RNF150: variants seen among roughly 807,000 people sequenced by gnomAD.
RNF150 encodes the protein ring finger protein 150.
Under a neutral mutation model 39.3 loss-of-function variants are expected in RNF150, and 24 were observed. That is an observed-to-expected ratio of 0.61 (90% CI 0.44 to 0.86). The LOEUF is 0.86. Among genes scored for constraint, RNF150 ranks in the 40% least tolerant of loss-of-function variants. The pLI, the probability that RNF150 is intolerant of heterozygous loss-of-function variation, is 0.00. For missense variants in RNF150, 502 were observed against 587.8 expected (o/e 0.85, Z 1.51); for synonymous variants, 255 against 227.3 (o/e 1.12, Z -1.10).
At chr4:140,879,411 G>A (rs964782633) in intron 6 of RNF150, among the ~76,000 whole-genome samples, 2 of 145,374 alleles carry the variant, frequency 1.4e-5, no homozygotes, top group Non-Finnish European at 3.0e-5. Context: ...TTTAAGCAAT[G>A]TTTTAAGTTT....
chr4:140,934,846 G>C (rs538105020), intron 4 of RNF150, among the ~76,000 whole-genome samples: 6 of 151,422 alleles, frequency 4.0e-5, no homozygotes, highest in African/African-American at 1.5e-4. Flanking sequence ...ACTTCTTTGA[G>C]TTAAGGTTTT....
At chr4:141,135,403 C>T (rs960815537), upstream of RNF150, among the ~76,000 whole-genome samples, 1 of 152,140 alleles carries the variant, frequency 6.6e-6, no homozygotes, top group South Asian at 2.1e-4. Context: ...GAGCCCATAA[C>T]CTCTTGAAAG....
intron 6 of RNF150, among the ~76,000 whole-genome samples, chr4:140,907,224 C>T (rs115141915): frequency 0.012 from 1,902 of 152,248 alleles, 46 homozygotes; most frequent in African/African-American, 0.044. Flanking sequence ...TGGTGAGTAA[C>T]GTGTGGGCAT....
Position 141,049,750 on chromosome 4 carries a change from G to A in RNF150, c.485-81877C>T, listed in dbSNP as rs1452581020. 2.0e-5 allele frequency among the ~76,000 whole-genome samples: 3 copies of A among 151,724 alleles called. No homozygotes were observed. In the East Asian group the frequency reaches 5.9e-4, roughly 30 times the overall value. ...ATTCCACTGTTGTAAATTCATCTAT[G>A]GATATAATTTTTTAAATTATGTGAT... On this transcript the variant is annotated intron_variant, in intron 1 of 6. Transcript: ENST00000515673.
intron 5 of RNF150, among the ~76,000 whole-genome samples, chr4:140,921,115 G>A (rs1323102653): frequency 6.6e-6 from 1 of 150,634 alleles, no homozygotes; most frequent in African/African-American, 2.4e-5. Flanking sequence ...CACCAGCATG[G>A]CACATGCATA....
intron 2 of RNF150, among the ~76,000 whole-genome samples, chr4:140,963,313 A>G (rs1398818637): frequency 1.3e-5 from 2 of 152,052 alleles, no homozygotes; most frequent in Non-Finnish European, 2.9e-5. Flanking sequence ...TTCTACCAAT[A>G]CTTTAAGAAT....
intron 1 of RNF150, among the ~76,000 whole-genome samples, chr4:141,170,094 A>T (rs1727684326): frequency 6.6e-6 from 1 of 152,350 alleles, no homozygotes; most frequent in South Asian, 2.1e-4. Flanking sequence ...AGATAATGTT[A>T]CAGAACTATG....
chr4:141,009,548 G>A (rs1490188527), intron 1 of RNF150, among the ~76,000 whole-genome samples: 1 of 152,174 alleles, frequency 6.6e-6, no homozygotes, highest in Non-Finnish European at 1.5e-5. Flanking sequence ...TACTTGCTAG[G>A]AGGACTAAGA....
At chr4:141,042,149 AG>A (rs1234884918) in intron 1 of RNF150, among the ~76,000 whole-genome samples, 1 of 152,076 alleles carries the variant, frequency 6.6e-6, no homozygotes, top group African/African-American at 2.4e-5. Context: ...TAATAAAGTG[AG>A]GAAAAAAATC....
Position 141,209,645 on chromosome 4 carries a change from T to C in RNF150, c.-6+3149A>G, listed in dbSNP as rs931101777. The stretch of plus-strand genomic sequence containing the variant: ...TTTGCCCATTTTTTGATTGGGTTGC[T>C]TGTCTTTTTAAATTTATTAAGAGTT... On this transcript the variant is annotated intron_variant, in intron 1 of 7. Coordinates refer to the RNF150 transcript ENST00000420921. Among the ~76,000 whole-genome samples, 5 of 152,190 alleles carry C rather than the reference T, an allele frequency of 3.3e-5. No homozygotes were observed. The South Asian group carries it at 8.3e-4, about 25-fold the overall frequency.
At chr4:141,189,503 C>T (rs1728068877) in intron 1 of RNF150, among the ~76,000 whole-genome samples, 1 of 152,172 alleles carries the variant, frequency 6.6e-6, no homozygotes, top group Admixed American at 6.5e-5. Context: ...CCCACAGCTG[C>T]CCCTTCCCCC....
chr4:140,860,540 A>G lies in RNF150; in HGVS notation c.*7721T>C, dbSNP rs983860577. On this transcript the variant is annotated 3_prime_UTR_variant, in exon 7 of 7. Transcript: ENST00000515673. Reference sequence around the variant, plus strand: ...TACTACCTGCAGACTAGCCAGAAAGACCTTGTGGGGAAGCTAAGTAGACTT... The same window carrying G: ...TACTACCTGCAGACTAGCCAGAAAGGCCTTGTGGGGAAGCTAAGTAGACTT... 1.3e-5 allele frequency: 2 copies of G among 152,268 alleles called. No homozygotes were observed. Among genetic ancestry groups the G allele is most frequent in the South Asian group, 2.1e-4 (1 of 4,832 alleles). The allele number at this position is 152,268 out of a possible 1,614,324, so 9.4% of individuals were successfully genotyped here.
chr4:141,072,872 T>C (rs1250360102), intron 1 of RNF150, among the ~76,000 whole-genome samples: 7 of 152,290 alleles, frequency 4.6e-5, no homozygotes, highest in Admixed American at 2.6e-4. Context: ...AAGGCTTCCA[T>C]ATTTAAAAAC....
At chr4:141,048,214 A>G (rs900938751) in intron 1 of RNF150, among the ~76,000 whole-genome samples, 3 of 152,368 alleles carry the variant, frequency 2.0e-5, no homozygotes, top group African/African-American at 7.2e-5. Flanking sequence ...GTAACATGCC[A>G]TCTCTTGGCT....
At chr4:141,035,391 C>T (rs933915799) in intron 1 of RNF150, among the ~76,000 whole-genome samples, 5 of 152,142 alleles carry the variant, frequency 3.3e-5, no homozygotes, top group African/African-American at 1.2e-4. Flanking sequence ...GCAGTGTCCT[C>T]ATTACAGTTT....
intron 1 of RNF150, among the ~76,000 whole-genome samples, chr4:141,206,360 A>C (rs1318035336): frequency 6.7e-6 from 1 of 149,972 alleles, no homozygotes; most frequent in Non-Finnish European, 1.5e-5. Flanking sequence ...CAGAGATTAC[A>C]GTGAGCCAAG....
At chr4:141,134,994 T>G (rs552091493), upstream of RNF150, among the ~76,000 whole-genome samples, 18 of 152,302 alleles carry the variant, frequency 1.2e-4, no homozygotes, top group African/African-American at 4.3e-4. Context: ...CTTCTTTCCT[T>G]TGGAAAAGTT....
chr4:141,163,121 A>C (rs1727543010), intron 1 of RNF150, among the ~76,000 whole-genome samples: 1 of 152,160 alleles, frequency 6.6e-6, no homozygotes, highest in African/African-American at 2.4e-5. Flanking sequence ...GTTGGGGCAG[A>C]GGTACCCACC....
intron 1 of RNF150, among the ~76,000 whole-genome samples, chr4:141,151,305 T>C (rs1161553819): frequency 1.3e-5 from 2 of 151,984 alleles, no homozygotes; most frequent in African/African-American, 4.8e-5. Context: ...TGGTTAAATA[T>C]ATTTAATAGT....
Sources: allele counts gnomAD v4.1 joint callset (sites outside exome capture counted in the v4.1 genomes callset), GRCh38; gene constraint gnomAD v4.1.1; transcripts MANE v1.5; gene names NCBI Gene and HGNC (gene_info 2026-07-23, HGNC 2026-07-21).